The following LMF1 variants were observed in gnomAD, a reference collection of about 807,000 sequenced individuals.
The protein encoded by LMF1 is transmembrane protein 112.
LMF1 carries 68 observed loss-of-function variants against 60.6 expected under a neutral mutation model. The ratio of observed to expected loss-of-function variants is 1.12; its 90% CI spans 0.92 to 1.37. The LOEUF (loss-of-function observed/expected upper bound fraction) is 1.37. Among genes scored for constraint, LMF1 ranks in the 40% most tolerant of loss-of-function variants. The pLI is 0.00. For synonymous variants in LMF1, 418 were observed against 324.7 expected (o/e 1.29, Z -3.09); for missense variants, 948 against 767.2 (o/e 1.24, Z -2.78).
chr16:879,605 A>C lies in LMF1; in HGVS notation c.862T>G (p.Cys288Gly). Residue 288 changes from cysteine to glycine, a missense_variant, in exon 6 of 11, where the codon TGC becomes GGC. Coordinates refer to ENST00000262301, the MANE Select transcript of LMF1 (RefSeq NM_022773.4). ...ATCTGCAGCACCCCGTGGATGATGC[A>C]CGCCCGCCGGCCGAGGAAGAGGAAG... is the stretch of plus-strand genomic sequence containing the variant. Reference protein sequence around the residue: ...PFFLFLGRRACIIHGVLQILF... With the variant: ...PFFLFLGRRAGIIHGVLQILF... 6.2e-7 allele frequency: 1 copy of C among 1,613,098 alleles called. No homozygotes were observed.
chr16:981,350 G>GAA, upstream of LMF1: 2 of 75,598 alleles, frequency 2.6e-5, no homozygotes, highest in South Asian at 2.0e-4. Context: ...GAGAGAGAGT[G>GAA]TGTGTGTGTG....
chr16:934,218 G>C (rs1179822745), intron 3 of LMF1, 26 bp downstream of exon 3: 3 of 1,599,254 alleles, frequency 1.9e-6, no homozygotes, highest in African/African-American at 1.3e-5. Context: ...CTCTCGCAGA[G>C]CTTTCTCTAA....
chr16:948,653 C>T (rs2072323494), intron 2 of LMF1, among the ~76,000 whole-genome samples: 1 of 150,778 alleles, frequency 6.6e-6, no homozygotes, highest in Admixed American at 6.6e-5. Flanking sequence ...ACGACAGAGT[C>T]AGCCAACGAC....
At chr16:981,339 AGAGAGAGAGTGTGTGTGTGT>A (rs2073364181), upstream of LMF1, 7 of 306,688 alleles carry the variant, frequency 2.3e-5, no homozygotes, top group Non-Finnish European at 4.0e-5. Flanking sequence ...AGAGAGAGAG[AGAGAGAGAGTGTGTGTGTGT>A]GTGTGTGTGT....
chr16:869,696 T>A, intron 9 of LMF1, 187 bp downstream of exon 9: 1 of 699,848 alleles, frequency 1.4e-6, no homozygotes, highest in Non-Finnish European at 2.4e-6. Context: ...GGCTCCCACA[T>A]GAGGCCCCTC....
chr16:946,492 G>A (rs543333107), intron 2 of LMF1, among the ~76,000 whole-genome samples: 1 of 152,236 alleles, frequency 6.6e-6, no homozygotes, highest in African/African-American at 2.4e-5. Flanking sequence ...CCAGGGCAGG[G>A]TGTCCGCTAA....
At chr16:919,601 T>TCCCACCCA (rs2071378189) in intron 3 of LMF1, among the ~76,000 whole-genome samples, 1 of 152,120 alleles carries the variant, frequency 6.6e-6, no homozygotes, top group African/African-American at 2.4e-5. Context: ...AGGGAGGGCG[T>TCCCACCCA]CTGGACCGCA....
chr16:871,112 C>T (rs2151701487), intron 7 of LMF1, 49 bp downstream of exon 7: 7 of 1,498,606 alleles, frequency 4.7e-6, no homozygotes, highest in Non-Finnish European at 6.2e-6. Flanking sequence ...GCTGGCACCA[C>T]CCGACTTTCT....
intron 10 of LMF1, among the ~76,000 whole-genome samples, chr16:856,841 A>G (rs982663661): frequency 3.3e-5 from 5 of 151,838 alleles, no homozygotes; most frequent in African/African-American, 1.2e-4. Context: ...TTTGAAATAG[A>G]CCCTACTGGC....
At chr16:898,102 C>T (rs780611210) in intron 4 of LMF1, among the ~76,000 whole-genome samples, 2 of 152,234 alleles carry the variant, frequency 1.3e-5, no homozygotes, top group Non-Finnish European at 2.9e-5. Context: ...TCCATGGCTC[C>T]TGATGAAGGG....
At chr16:929,015 C>A (rs1162327303) in intron 3 of LMF1, among the ~76,000 whole-genome samples, 3 of 152,178 alleles carry the variant, frequency 2.0e-5, no homozygotes, top group Non-Finnish European at 4.4e-5. Flanking sequence ...CGCCTGTGCA[C>A]TCTGCCCCCT....
At chr16:919,898 G>A (rs2151765238) in intron 3 of LMF1, among the ~76,000 whole-genome samples, 1 of 152,220 alleles carries the variant, frequency 6.6e-6, no homozygotes, top group East Asian at 1.9e-4. Context: ...CTTCCTCCGA[G>A]GCAGTCAGGC....
At chr16:915,689 A>C (rs919042007) in intron 3 of LMF1, among the ~76,000 whole-genome samples, 1 of 152,230 alleles carries the variant, frequency 6.6e-6, no homozygotes, top group Non-Finnish European at 1.5e-5. Flanking sequence ...CTGGCCAGGC[A>C]GAGTGCTGGG....
chr16:931,720 A>T (rs1175418060), intron 3 of LMF1: 1 of 1,287,234 alleles, frequency 7.8e-7, no homozygotes, highest in Admixed American at 2.3e-5. Flanking sequence ...CTCGGAAGGC[A>T]GGGAGAGCAC....
At chr16:954,228 T>A (rs1160163212) in intron 2 of LMF1, 129 bp downstream of exon 2, 1 of 1,025,618 alleles carries the variant, frequency 9.8e-7, no homozygotes. Flanking sequence ...CTAAGTAAAA[T>A]GACAATACCC....
chr16:888,530 A>G (rs1442697811), intron 5 of LMF1, among the ~76,000 whole-genome samples: 1 of 152,134 alleles, frequency 6.6e-6, no homozygotes, highest in Admixed American at 6.5e-5. Context: ...CGGATTTTCC[A>G]TTTCAGCAGC....
chr16:932,827 G>A (rs958474411), intron 3 of LMF1, among the ~76,000 whole-genome samples: 2 of 152,160 alleles, frequency 1.3e-5, no homozygotes, highest in Non-Finnish European at 2.9e-5. Flanking sequence ...GTATCCTGGC[G>A]CACTGCGGGG....
intron 10 of LMF1, among the ~76,000 whole-genome samples, chr16:863,984 G>A (rs1182963238): frequency 6.6e-6 from 1 of 152,034 alleles, no homozygotes; most frequent in Non-Finnish European, 1.5e-5. Context: ...CGATGATGGT[G>A]CTCCTTTATG....
intron 1 of LMF1, chr16:976,223 G>A (rs1052654305): frequency 3.1e-5 from 14 of 446,168 alleles, no homozygotes; most frequent in Admixed American, 3.1e-4. Context: ...CCAGGGCCTC[G>A]CATCCTACAA....
Sources: gnomAD v4.1 joint callset for allele counts (sites outside exome capture counted in the v4.1 genomes callset) on GRCh38, gnomAD v4.1.1 for gene constraint, MANE v1.5 for transcripts, NCBI Gene and HGNC (gene_info 2026-07-23, HGNC 2026-07-21) for gene names.